Variants in LMX1B observed in about 807,000 individuals in gnomAD.
The protein encoded by LMX1B is LIM homeobox transcription factor 1 beta.
Under a neutral mutation model 51.4 loss-of-function variants are expected in LMX1B, and 12 were observed. That is an observed-to-expected ratio of 0.23 (90% CI 0.15 to 0.38). The LOEUF is 0.38. Ranked by LOEUF, LMX1B falls within the 10% of genes least tolerant of loss-of-function variation. LMX1B has a pLI of 1.00. For missense variants in LMX1B, 445 were observed against 571.1 expected (o/e 0.78, Z 2.25); for synonymous variants, 237 against 235.4 (o/e 1.01, Z -0.06).
At chr9:126,648,310 G>A (rs1283181680) in intron 2 of LMX1B, among the ~76,000 whole-genome samples, 1 of 152,184 alleles carries the variant, frequency 6.6e-6, no homozygotes, top group African/African-American at 2.4e-5. Context: ...GAGGCTTCGA[G>A]GCTCCCTAGC....
At chr9:126,620,967 G>A (rs1835399176) in intron 2 of LMX1B, among the ~76,000 whole-genome samples, 1 of 152,186 alleles carries the variant, frequency 6.6e-6, no homozygotes, top group South Asian at 2.1e-4. Flanking sequence ...AAAAGGTGGA[G>A]AAACACCATT....
intron 2 of LMX1B, among the ~76,000 whole-genome samples, chr9:126,687,687 T>C (rs1165875960): frequency 6.6e-5 from 10 of 152,232 alleles, no homozygotes; most frequent in Admixed American, 6.5e-4. Context: ...GCAGGCAGTG[T>C]TGTCCAGCCC....
intron 2 of LMX1B, among the ~76,000 whole-genome samples, chr9:126,685,318 C>T (rs1015150961): frequency 3.3e-5 from 5 of 152,094 alleles, no homozygotes; most frequent in African/African-American, 9.7e-5. Context: ...GCCGAGAGAG[C>T]TGGGTGTCAC....
chr9:126,692,107 T>C (rs2030153483), intron 3 of LMX1B, among the ~76,000 whole-genome samples: 1 of 152,180 alleles, frequency 6.6e-6, no homozygotes, highest in Non-Finnish European at 1.5e-5. Flanking sequence ...ATCTGCCACA[T>C]GGGAAGGGTT....
chr9:126,638,545 C>G (rs1383908827), intron 2 of LMX1B, among the ~76,000 whole-genome samples: 1 of 152,194 alleles, frequency 6.6e-6, no homozygotes, highest in East Asian at 1.9e-4. Flanking sequence ...AGAGATTTGT[C>G]TTGTCTGGGG....
At chr9:126,681,951 C>T (rs953129624) in intron 2 of LMX1B, among the ~76,000 whole-genome samples, 1 of 151,274 alleles carries the variant, frequency 6.6e-6, no homozygotes, top group African/African-American at 2.4e-5. Context: ...GATCACACCC[C>T]CCCACCCTTC....
intron 2 of LMX1B, among the ~76,000 whole-genome samples, chr9:126,627,418 T>C (rs571950240): frequency 1.3e-5 from 2 of 151,928 alleles, no homozygotes; most frequent in Non-Finnish European, 2.9e-5. Flanking sequence ...GAGCTAACTT[T>C]GAGGGACTCT....
intron 2 of LMX1B, among the ~76,000 whole-genome samples, chr9:126,638,287 C>T (rs897701050): frequency 6.6e-6 from 1 of 152,162 alleles, no homozygotes; most frequent in African/African-American, 2.4e-5. Context: ...ACAGGTGTGC[C>T]CTGACAGGTG....
At chr9:126,672,278 G>C (rs956900780) in intron 2 of LMX1B, among the ~76,000 whole-genome samples, 3 of 152,182 alleles carry the variant, frequency 2.0e-5, no homozygotes, top group Admixed American at 6.5e-5. Context: ...GCCAGTGTCT[G>C]GTAGCTCCCC....
intron 7 of LMX1B, 114 bp from the exon 8 acceptor site, chr9:126,696,180 C>A: frequency 1.6e-6 from 2 of 1,240,030 alleles, no homozygotes; most frequent in Admixed American, 1.7e-5. Flanking sequence ...CGGCACTAGT[C>A]AGCAGGCCAT....
At chr9:126,665,493 C>T (rs1271805290) in intron 2 of LMX1B, among the ~76,000 whole-genome samples, 2 of 152,332 alleles carry the variant, frequency 1.3e-5, no homozygotes, top group East Asian at 1.9e-4. Context: ...TGGAGCTTGG[C>T]GGCCACCGGC....
rs575273946 is a variant in LMX1B, at chr9:126,696,503, G to A, written c.*52G>A. On this transcript the variant is annotated 3_prime_UTR_variant, in exon 8 of 8. Coordinates refer to ENST00000373474, the MANE Select transcript of LMX1B (RefSeq NM_001174147.2). ...GGCAGGGGCCTGGGGGGGACTGCCA[G>A]CCTCTGCGGCCAGCCTGGCCACCCC... The A allele has an allele frequency of 3.0e-5, 48 of 1,604,524 alleles. No homozygotes were observed. The Admixed American group carries it at 7.7e-4, about 26-fold the overall frequency.
chr9:126,693,735 T>A lies in LMX1B; in HGVS notation c.820-11T>A. The A allele has an allele frequency of 6.4e-7, 1 of 1,563,320 alleles. No individual in the cohort carries two copies. The highest frequency in any genetic ancestry group is 8.7e-7 in the Non-Finnish European group (1 of 1,155,166). ...GGGGCAGCACCGGCCTGAACTGCGC[T>A]CTCCCTGCAGATGAAGAAGCTGGCG... On this transcript the variant is annotated splice_polypyrimidine_tract_variant and intron_variant, in intron 5 of 7. Transcript: ENST00000373474.
intron 2 of LMX1B, among the ~76,000 whole-genome samples, chr9:126,684,393 T>C (rs1405661284): frequency 6.6e-6 from 1 of 152,070 alleles, no homozygotes; most frequent in African/African-American, 2.4e-5. Flanking sequence ...CACACACCTA[T>C]TAAGATCCCT....
chr9:126,686,172 C>T (rs867463828), intron 2 of LMX1B, among the ~76,000 whole-genome samples: 1 of 150,156 alleles, frequency 6.7e-6, no homozygotes, highest in East Asian at 2.0e-4. Flanking sequence ...CCCAGCTACT[C>T]GGGAGGCTGA....
intron 2 of LMX1B, among the ~76,000 whole-genome samples, chr9:126,654,133 A>G (rs1836068958): frequency 6.6e-6 from 1 of 151,626 alleles, no homozygotes; most frequent in African/African-American, 2.4e-5. Flanking sequence ...TGTTTGTTCC[A>G]GCCCTTCTGA....
chr9:126,645,482 C>A (rs1835882261), intron 2 of LMX1B, among the ~76,000 whole-genome samples: 1 of 152,214 alleles, frequency 6.6e-6, no homozygotes, highest in African/African-American at 2.4e-5. Context: ...ACATCGTTCC[C>A]AAGCTGAGCA....
intron 7 of LMX1B, 77 bp from the exon 8 acceptor site, chr9:126,696,217 A>G: frequency 7.0e-7 from 1 of 1,433,210 alleles, no homozygotes; most frequent in Non-Finnish European, 9.8e-7. Flanking sequence ...CTCCAGTCAC[A>G]CAGCCTACAG....
At chr9:126,666,303 GGGCAGGGGGCAGGCCCAGGAGA>G (rs1170439186) in intron 2 of LMX1B, among the ~76,000 whole-genome samples, 1 of 152,222 alleles carries the variant, frequency 6.6e-6, no homozygotes, top group Non-Finnish European at 1.5e-5. Context: ...AGCCCTGGAG[GGGCAGGGGGCAGGCCCAGGAGA>G]GGGGACAGGG....
Sources: allele counts gnomAD v4.1 joint callset (sites outside exome capture counted in the v4.1 genomes callset), GRCh38; gene constraint gnomAD v4.1.1; transcripts MANE v1.5; gene names NCBI Gene and HGNC (gene_info 2026-07-23, HGNC 2026-07-21).